Variants in ASIC4 observed in about 807,000 individuals in gnomAD.
ASIC4 encodes the protein acid-sensing ion channel 4.
In ASIC4, 28 loss-of-function variants were observed where a neutral mutation model predicts 53.4. That is an observed-to-expected ratio of 0.52 (90% CI 0.39 to 0.72). The LOEUF (loss-of-function observed/expected upper bound fraction) is 0.72, where lower values mean the gene tolerates loss of function less well. Among genes scored for constraint, ASIC4 ranks in the 30% least tolerant of loss-of-function variants. ASIC4 has a pLI of 0.00. For missense variants in ASIC4, 649 were observed against 729.7 expected, an observed-to-expected ratio of 0.89 and a Z score of 1.27; for synonymous variants, 289 against 301.4, an observed-to-expected ratio of 0.96 and a Z score of 0.43.
At chr2:219,510,355 C>G (rs977003853), upstream of ASIC4, among the ~76,000 whole-genome samples, 1 of 152,176 alleles carries the variant, frequency 6.6e-6, no homozygotes, top group Non-Finnish European at 1.5e-5. The surrounding 1 kb of genome is among the most constrained non-coding windows in gnomAD (Gnocchi z 5.2). Flanking sequence ...CACCCCCTCC[C>G]GGCCAGCCTG....
At chr2:219,515,492 C>T (rs1030445893) in intron 1 of ASIC4, among the ~76,000 whole-genome samples, 186 bp downstream of exon 1, 3 of 152,242 alleles carry the variant, frequency 2.0e-5, no homozygotes, top group African/African-American at 7.2e-5. Context: ...GAGCAGTGGC[C>T]GCTCATAGGG....
At chr2:219,523,225 T>G (rs1694915623) in intron 1 of ASIC4, among the ~76,000 whole-genome samples, 1 of 152,206 alleles carries the variant, frequency 6.6e-6, no homozygotes, top group African/African-American at 2.4e-5. Flanking sequence ...ATTCACCAAT[T>G]AAAAACTGAC....
chr2:219,527,142 G>A (rs1050241947), intron 1 of ASIC4, among the ~76,000 whole-genome samples: 5 of 152,226 alleles, frequency 3.3e-5, no homozygotes, highest in African/African-American at 1.2e-4. Context: ...CATGGAAGAA[G>A]CTGTGGGCTG....
intron 1 of ASIC4, among the ~76,000 whole-genome samples, chr2:219,525,590 C>G (rs557386734): frequency 4.0e-4 from 61 of 152,290 alleles, no homozygotes; most frequent in Non-Finnish European, 7.8e-4. Context: ...TGAGTGACCT[C>G]GAAGTTCTGA....
intron 1 of ASIC4, among the ~76,000 whole-genome samples, chr2:219,524,888 G>C (rs542412930): frequency 1.4e-4 from 21 of 152,318 alleles, no homozygotes; most frequent in African/African-American, 4.8e-4. Context: ...TGGCTGCACT[G>C]TCCTGGCAGG....
chr2:219,515,249 C>T lies in ASIC4; in HGVS notation c.525C>T (p.Asp175=). 1 of 1,614,158 alleles carries T rather than the reference C, an allele frequency of 6.2e-7. No homozygotes were observed. The highest frequency in any genetic ancestry group is 8.5e-7 in the Non-Finnish European group (1 of 1,180,006). ...ACCGCACTGGCCACCAGCTCGCCGA[C>T]ATGCTTAAGAGCTGCAACTTCAGTG... ...ILNRTGHQLA[D]MLKSCNFSGH... Residue 175 remains aspartate, a synonymous_variant, in exon 1 of 10, where the codon GAC becomes GAT. Transcript: ENST00000358078.
chr2:219,536,917 C>T lies in ASIC4; in HGVS notation c.1230-149C>T. The T allele has an allele frequency of 4.6e-6, 3 of 655,494 alleles. No individual in the cohort carries two copies. Among genetic ancestry groups the T allele is most frequent in the South Asian group, 1.9e-5 (1 of 53,328 alleles). The allele number at this position is 655,494 out of a possible 1,614,324, so 40.6% of individuals were successfully genotyped here. A position where few individuals can be genotyped will look rare whatever the true frequency, so the allele number is the denominator to read the frequency against. ...GAAGCTAACACACATCCGGGACTGC[C>T]TCCCCTCACAGCCTTGGGGAGTCCG... On this transcript the variant is annotated intron_variant, in intron 6 of 9. Transcript: ENST00000358078. The surrounding 1 kb of genome is among the most constrained non-coding windows in gnomAD (Gnocchi z 4.6).
upstream of ASIC4, among the ~76,000 whole-genome samples, chr2:219,511,396 C>G (rs941464131): frequency 4.0e-5 from 6 of 150,372 alleles, no homozygotes; most frequent in East Asian, 2.0e-4. The surrounding 1 kb of genome is among the most constrained non-coding windows in gnomAD (Gnocchi z 5.3). Context: ...TGCACTGCCC[C>G]CCCCCCACAT....
chr2:219,514,498 G>A lies in ASIC4; in HGVS notation c.-227G>A, dbSNP rs935673693. ...GAGACGATCGAGGAGAGAGACAAGC[G>A]GCAGCAGAGGCAGCAGCGGCAGAGG... On this transcript the variant is annotated 5_prime_UTR_variant, in exon 1 of 10. Transcript: ENST00000358078. 15 of 1,549,002 alleles carry A rather than the reference G, an allele frequency of 9.7e-6. 1 individual carries two copies. In the South Asian group the frequency reaches 1.1e-4, roughly 11 times the overall value.
chr2:219,535,436 T>G, intron 6 of ASIC4, 112 bp downstream of exon 6: 1 of 1,255,212 alleles, frequency 8.0e-7, no homozygotes. Flanking sequence ...TGTGTATGTG[T>G]TTGTGTGTAT....
Position 219,532,415 on chromosome 2 carries a change from G to A in ASIC4, c.956G>A (p.Arg319Gln), listed in dbSNP as rs370439074. The A allele has an allele frequency of 9.0e-5, 145 of 1,613,888 alleles. 1 individual carries two copies. Among genetic ancestry groups the A allele is most frequent in the Non-Finnish European group, 1.1e-4 (134 of 1,179,962 alleles). Residue 319 changes from arginine to glutamine, a missense_variant, in exon 4 of 10, where the codon CGG becomes CAG. Physicochemically the swap from Arg to Gln is conservative, Grantham distance 43 (BLOSUM62 1). Coordinates refer to ENST00000358078, the MANE Select transcript of ASIC4 (RefSeq NM_018674.6). ...GYSAYSVSAC[R>Q]LRCEKEAVLQ... ...TCGGCCTACAGTGTGTCTGCCTGCCGGCTGCGCTGTGAAAAGGAGGCCGTG... is the reference window on the plus strand; with the variant it reads ...TCGGCCTACAGTGTGTCTGCCTGCCAGCTGCGCTGTGAAAAGGAGGCCGTG...
intron 5 of ASIC4, chr2:219,533,240 A>G: frequency 1.9e-6 from 1 of 512,900 alleles, no homozygotes; most frequent in Non-Finnish European, 3.5e-6. Context: ...GAGAAAGTGA[A>G]ATGACTTCTC....
At chr2:219,509,899 C>T (rs1393726435), upstream of ASIC4, among the ~76,000 whole-genome samples, 1 of 152,128 alleles carries the variant, frequency 6.6e-6, no homozygotes, top group East Asian at 1.9e-4. The surrounding 1 kb of genome is among the most constrained non-coding windows in gnomAD (Gnocchi z 5.2). Context: ...AGCTCAGCTG[C>T]TAGGGTTGGC....
At chr2:219,509,681 G>A (rs1216951891), upstream of ASIC4, among the ~76,000 whole-genome samples, 1 of 152,034 alleles carries the variant, frequency 6.6e-6, no homozygotes, top group East Asian at 1.9e-4. The surrounding 1 kb of genome is among the most constrained non-coding windows in gnomAD (Gnocchi z 5.2). Context: ...GGGTGGTGAG[G>A]GGTGTCTGAG....
Position 219,538,219 on chromosome 2 carries a change from T to C in ASIC4, c.*173T>C. On this transcript the variant is annotated 3_prime_UTR_variant, in exon 10 of 10. Transcript: ENST00000358078. ...GTCAGCTGCTTTGCACAAAGGTCCT[T>C]CTTGTCCACACCCCTTATCCCCAGG... The C allele has an allele frequency of 1.6e-6, 1 of 633,960 alleles. No individual in the cohort carries two copies. 39.3% of individuals were successfully genotyped at this position (633,960 alleles called of 1,614,324 possible). A position where few individuals can be genotyped will look rare whatever the true frequency, so the allele number is the denominator to read the frequency against.
rs754395464 is a variant in ASIC4, at chr2:219,532,142, G to A, written c.855+14G>A. ...CAGGAACAGCGGGTGAGCATCTCCT[G>A]CTAGGCCCTGGATTGGGCACAGGGC... On this transcript the variant is annotated intron_variant, in intron 3 of 9. Coordinates refer to ENST00000358078, the MANE Select transcript of ASIC4 (RefSeq NM_018674.6). 1 of 1,613,852 alleles carries A rather than the reference G, an allele frequency of 6.2e-7. No homozygotes were observed. Among genetic ancestry groups the A allele is most frequent in the Non-Finnish European group, 8.5e-7 (1 of 1,180,010 alleles).
intron 1 of ASIC4, among the ~76,000 whole-genome samples, chr2:219,520,723 G>A (rs1452281326): frequency 6.6e-6 from 1 of 152,236 alleles, no homozygotes; most frequent in Non-Finnish European, 1.5e-5. Flanking sequence ...TTCTCCTGAG[G>A]CATGAGCCTT....
intron 1 of ASIC4, among the ~76,000 whole-genome samples, chr2:219,515,814 G>A (rs1344218370): frequency 6.6e-6 from 1 of 152,188 alleles, no homozygotes; most frequent in Admixed American, 6.5e-5. Context: ...GCAGGCTGGA[G>A]AGACCCGGTC....
At chr2:219,515,706 G>A (rs1440737020) in intron 1 of ASIC4, among the ~76,000 whole-genome samples, 1 of 152,190 alleles carries the variant, frequency 6.6e-6, no homozygotes, top group Non-Finnish European at 1.5e-5. Flanking sequence ...GAGGCTACTG[G>A]ATTCTTCCCA....
Sources: allele counts gnomAD v4.1 joint callset (sites outside exome capture counted in the v4.1 genomes callset), GRCh38; gene constraint gnomAD v4.1.1; non-coding constraint Gnocchi (gnomAD v3.1); transcripts MANE v1.5; gene names NCBI Gene and HGNC (gene_info 2026-07-23, HGNC 2026-07-21).